The following THNSL2 variants were observed in gnomAD, a reference collection of about 807,000 sequenced individuals.
THNSL2 encodes threonine synthase-like 2.
In THNSL2, 34 loss-of-function variants were observed where a neutral mutation model predicts 40.0. That is an observed-to-expected ratio of 0.85 (90% confidence interval 0.65 to 1.13). THNSL2 has a LOEUF of 1.13. THNSL2 is among the 50% of genes most tolerant of loss of function. The pLI is 0.00. For synonymous variants in THNSL2, 241 were observed against 247.5 expected (o/e 0.97, Z 0.25); for missense variants, 537 against 608.8 (o/e 0.88, Z 1.24).
intron 1 of THNSL2, among the ~76,000 whole-genome samples, 183 bp downstream of exon 1, chr2:88,170,639 G>A (rs181955159): frequency 9.8e-5 from 15 of 152,348 alleles, no homozygotes; most frequent in Non-Finnish European, 2.1e-4. Context: ...GGTGCGGGGG[G>A]TTTCTGATGC....
At position 88,174,762 on chromosome 2, in the gene THNSL2, C is replaced by T; in HGVS notation, c.347C>T (p.Ser116Phe). The T allele has an allele frequency of 6.2e-7, 1 of 1,614,150 alleles. No individual in the cohort carries two copies. The highest frequency in any genetic ancestry group is 1.1e-5 in the South Asian group (1 of 91,072). The change falls in exon 3 of 9, where the codon TCC (serine) becomes TTC (phenylalanine). Residue 116 changes from serine to phenylalanine, a missense_variant. Physicochemically the swap from Ser to Phe is radical, Grantham distance 155. Coordinates refer to ENST00000674334, the MANE Select transcript of THNSL2 (RefSeq NM_018271.5). Reference sequence around the variant, plus strand: ...GTCACATATGCATTTAAGGACCTGTCCCTGTCCTGCACAACACAGTTCCTG... The same window carrying T: ...GTCACATATGCATTTAAGGACCTGTTCCTGTCCTGCACAACACAGTTCCTG... The part of the protein sequence containing the change: ...HGVTYAFKDL[S>F]LSCTTQFLQY...
At chr2:88,185,176 G>A in intron 7 of THNSL2, 152 bp from the exon 8 acceptor site, 4 of 1,121,646 alleles carry the variant, frequency 3.6e-6, no homozygotes, top group Non-Finnish European at 4.9e-6. Context: ...TAGGAGGCCA[G>A]ATTTTTACTG....
Position 88,178,750 on chromosome 2 carries a change from C to A in THNSL2, c.572-33C>A, listed in dbSNP as rs745783029. ...GACCTCCTGGGGGTTCTACATGCTC[C>A]TGACAGCTGCCCTCTTCTCTCCCCC... On this transcript the variant is annotated intron_variant, in intron 4 of 8. Transcript: ENST00000674334. 3 of 1,612,760 alleles carry A rather than the reference C, an allele frequency of 1.9e-6. No homozygotes were observed. In the Admixed American group the frequency reaches 5.0e-5, roughly 27 times the overall value.
chr2:88,183,174 T>C, intron 7 of THNSL2, 101 bp downstream of exon 7: 2 of 1,497,086 alleles, frequency 1.3e-6, no homozygotes, highest in Non-Finnish European at 1.8e-6. Context: ...ACCTGTTTCT[T>C]GAGTACCTGC....
chr2:88,175,686 A>T (rs970936568), intron 4 of THNSL2: 18 of 353,656 alleles, frequency 5.1e-5, no homozygotes, highest in Admixed American at 3.0e-4. Flanking sequence ...TGCATGTCCA[A>T]CCTGCAAGTG....
intron 7 of THNSL2, among the ~76,000 whole-genome samples, chr2:88,185,036 C>T (rs933378041): frequency 1.9e-4 from 29 of 152,112 alleles, no homozygotes; most frequent in Non-Finnish European, 2.6e-4. Flanking sequence ...GTGGCTGCCC[C>T]GAGCCTTCTG....
At chr2:88,183,155 G>A in intron 7 of THNSL2, 82 bp downstream of exon 7, 8 of 1,548,422 alleles carry the variant, frequency 5.2e-6, no homozygotes, top group Non-Finnish European at 7.0e-6. Flanking sequence ...CTGGTCAAGG[G>A]AAGAGGACAC....
chr2:88,181,113 TCTCTCTCTCCTCTCTCTCCTC>T (rs1677510029), intron 5 of THNSL2, among the ~76,000 whole-genome samples: 1 of 488 alleles, frequency 2.0e-3, no homozygotes, highest in Non-Finnish European at 3.1e-3. Context: ...CTCTCTCTCC[TCTCTCTCTCCTCTCTCTCCTC>T]TCTCTCTCCT....
intron 4 of THNSL2, among the ~76,000 whole-genome samples, chr2:88,177,507 G>A (rs1369597358): frequency 2.6e-5 from 4 of 152,186 alleles, no homozygotes; most frequent in Admixed American, 1.3e-4. Context: ...GCTAGAAGTA[G>A]CAAAAAATTC....
chr2:88,178,085 TA>T (rs773458584), intron 4 of THNSL2, among the ~76,000 whole-genome samples: 9 of 152,002 alleles, frequency 5.9e-5, no homozygotes, highest in Non-Finnish European at 8.8e-5. Flanking sequence ...GGGTATCAGA[TA>T]AGAAATCAAT....
chr2:88,181,811 C>G (rs575017049), intron 5 of THNSL2, among the ~76,000 whole-genome samples: 1 of 152,162 alleles, frequency 6.6e-6, no homozygotes, highest in South Asian at 2.1e-4. Context: ...TTGGTAACCA[C>G]GAATCTATTT....
intron 7 of THNSL2, chr2:88,183,358 TAAG>T: frequency 3.3e-6 from 1 of 306,770 alleles, no homozygotes; most frequent in Non-Finnish European, 6.0e-6. Flanking sequence ...ATGGGGATAA[TAAG>T]AATGCCTACC....
chr2:88,181,544 T>C (rs1677684455), intron 5 of THNSL2, among the ~76,000 whole-genome samples: 1 of 118,958 alleles, frequency 8.4e-6, no homozygotes, highest in Non-Finnish European at 1.7e-5. Flanking sequence ...CTCTCCCCTC[T>C]CTCTCCCCTC....
rs931881172 is a variant in THNSL2 at position 88,170,489 on chromosome 2, G to C, written c.-13+33G>C. On this transcript the variant is annotated intron_variant, in intron 1 of 8. Transcript: ENST00000674334. Reference sequence around the variant, plus strand: ...GCGCCAACCTCGCCGCCCTCCCGGGGTCGTCGCGGGCGAGATTTCTGAGCT... The same window carrying C: ...GCGCCAACCTCGCCGCCCTCCCGGGCTCGTCGCGGGCGAGATTTCTGAGCT... 2.7e-4 allele frequency: 40 copies of C among 149,344 alleles called. No individual in the cohort carries two copies. In the South Asian group the frequency reaches 5.4e-3, roughly 20 times the overall value. 9.3% of individuals were successfully genotyped at this position (149,344 alleles called of 1,614,324 possible). A position where few individuals can be genotyped will look rare whatever the true frequency, so the allele number is the denominator to read the frequency against.
intron 1 of THNSL2, chr2:88,171,448 C>T (rs1007709281): frequency 5.0e-6 from 2 of 397,262 alleles, no homozygotes; most frequent in African/African-American, 4.2e-5. Context: ...CAGGGAAGGG[C>T]ATTTGAAAAA....
intron 2 of THNSL2, among the ~76,000 whole-genome samples, chr2:88,173,934 A>C (rs1676637193): frequency 6.6e-6 from 1 of 152,222 alleles, no homozygotes; most frequent in Admixed American, 6.5e-5. Flanking sequence ...CTACTGGTCC[A>C]TGAGCCACAC....
In THNSL2 at chr2:88,170,410, G is replaced by GCCCCGCGCCCCGC. The variant is rs1553460734; in HGVS notation, c.-59_-58insCCCCGCGCCCCGC. Reference sequence around the variant, plus strand: ...GCCCGGGCAGCCCTGCTGCGCACCGGGCCTCGCGCCCCGCGCCCCGCGCCC... The same window carrying GCCCCGCGCCCCGC: ...GCCCGGGCAGCCCTGCTGCGCACCGGCCCCGCGCCCCGCGCCTCGCGCCCCGCGCCCCGCGCCC... On this transcript the variant is annotated 5_prime_UTR_variant, in exon 1 of 9. Coordinates refer to ENST00000674334, the MANE Select transcript of THNSL2 (RefSeq NM_018271.5). 8.1e-6 allele frequency: 1 copy of GCCCCGCGCCCCGC among 122,806 alleles called. No individual in the cohort carries two copies. The highest frequency in any genetic ancestry group is 1.8e-5 in the Non-Finnish European group (1 of 56,838). The allele number at this position is 122,806 out of a possible 1,614,324, so 7.6% of individuals were successfully genotyped here.
Position 88,185,808 on chromosome 2 carries a change from C to T in THNSL2, c.1230-90C>T, listed in dbSNP as rs1558902239. ...CCATACCCCCCCATCCCTAAACTTCCTCTGTTTCTTATTCCTCCTCCACCT... is the reference window on the plus strand; with the variant it reads ...CCATACCCCCCCATCCCTAAACTTCTTCTGTTTCTTATTCCTCCTCCACCT... On this transcript the variant is annotated intron_variant, in intron 8 of 8. Transcript: ENST00000674334. The T allele has an allele frequency of 1.2e-5, 18 of 1,539,620 alleles. No individual in the cohort carries two copies. In the East Asian group the frequency reaches 2.0e-4, roughly 17 times the overall value.
At position 88,185,687 on chromosome 2, in the gene THNSL2, G is replaced by A. The variant is rs1372320241; in HGVS notation, c.1229+208G>A. ...GGGACAGCCATGGTCAGAGGTGGTGGCTGAGCTGGCCTCCAACCAGGAGGA... is the reference window on the plus strand; with the variant it reads ...GGGACAGCCATGGTCAGAGGTGGTGACTGAGCTGGCCTCCAACCAGGAGGA... On this transcript the variant is annotated intron_variant, in intron 8 of 8. Transcript: ENST00000674334. 1.9e-6 allele frequency: 3 copies of A among 1,551,496 alleles called. No individual in the cohort carries two copies. The East Asian group carries it at 7.3e-5, about 38-fold the overall frequency.
Sources: allele counts gnomAD v4.1 joint callset (sites outside exome capture counted in the v4.1 genomes callset), GRCh38; gene constraint gnomAD v4.1.1; transcripts MANE v1.5; gene names NCBI Gene and HGNC (gene_info 2026-07-23, HGNC 2026-07-21).